Variants in USH2A observed in about 807,000 individuals in gnomAD.
USH2A encodes the protein Usher syndrome 2A (autosomal recessive, mild).
USH2A carries 443 observed loss-of-function variants against 538.9 expected under a neutral mutation model. That is an observed-to-expected ratio of 0.82 (90% CI 0.76 to 0.89). The LOEUF (loss-of-function observed/expected upper bound fraction) is 0.89. Ranked by LOEUF, USH2A falls within the 40% of genes least tolerant of loss-of-function variation. The pLI, the probability that USH2A is intolerant of heterozygous loss-of-function variation, is 0.00. For missense variants in USH2A, 6,633 were observed against 6,324.8 expected (o/e 1.05, Z -1.65); for synonymous variants, 2,413 against 2,273.5 (o/e 1.06, Z -1.75).
chr1:215,754,551 C>G (rs908134571), intron 58 of USH2A, among the ~76,000 whole-genome samples: 2 of 152,020 alleles, frequency 1.3e-5, no homozygotes, highest in African/African-American at 2.4e-5. Context: ...TACAATTTAG[C>G]CAGTATTTTG....
intron 4 of USH2A, 64 bp downstream of exon 4, chr1:216,364,889 T>C: frequency 1.3e-6 from 2 of 1,594,280 alleles, no homozygotes; most frequent in Non-Finnish European, 1.7e-6. Flanking sequence ...ATTATTTGTT[T>C]GATGCATTTT....
intron 2 of USH2A, among the ~76,000 whole-genome samples, chr1:216,420,957 C>G (rs1358446046): frequency 1.3e-5 from 2 of 152,064 alleles, no homozygotes; most frequent in Non-Finnish European, 2.9e-5. Flanking sequence ...TTTAGATATC[C>G]AGCCAACGCT....
intron 60 of USH2A, among the ~76,000 whole-genome samples, chr1:215,735,390 C>T (rs1242251926): frequency 6.6e-6 from 1 of 152,014 alleles, no homozygotes; most frequent in Non-Finnish European, 1.5e-5. Context: ...TATTAAATTC[C>T]TTCTGTTAAA....
chr1:216,286,158 C>A (rs993852976), intron 11 of USH2A, among the ~76,000 whole-genome samples: 2 of 152,050 alleles, frequency 1.3e-5, no homozygotes, highest in Admixed American at 6.6e-5. Context: ...GTGTCCCAAC[C>A]CAAATCTCAT....
rs1558027312 is a variant in USH2A at position 215,627,421 on chromosome 1, C to CTTCT, written c.15519+1392_15519+1393insAGAA. ...CCTTCCTTCCTTCCTTCCTTCCTTC[C>CTTCT]TTCCTTCCTTCCTTCCTTCCTTCCT... On this transcript the variant is annotated intron_variant, in intron 71 of 71. Coordinates refer to ENST00000307340, the MANE Select transcript of USH2A (RefSeq NM_206933.4). 8.7e-3 allele frequency among the ~76,000 whole-genome samples: 1,016 copies of CTTCT among 116,530 alleles called. 43 individuals are homozygous for CTTCT. The highest frequency in any genetic ancestry group is 0.03 in the African/African-American group (852 of 28,264). The allele number at this position is 116,530 out of a possible 152,430, so 76.4% of individuals were successfully genotyped here.
intron 49 of USH2A, among the ~76,000 whole-genome samples, chr1:215,802,063 T>C (rs968562353): frequency 3.3e-5 from 5 of 151,278 alleles, no homozygotes; most frequent in African/African-American, 1.2e-4. Flanking sequence ...AAGTTGAATA[T>C]CCACATGCCA....
At chr1:215,761,610 T>C (rs549284667) in intron 56 of USH2A, among the ~76,000 whole-genome samples, 65 of 152,338 alleles carry the variant, frequency 4.3e-4, no homozygotes, top group African/African-American at 1.3e-3. Flanking sequence ...CAAAATGTTA[T>C]GCTAAGCACT....
intron 49 of USH2A, among the ~76,000 whole-genome samples, chr1:215,801,025 A>G (rs75168162): frequency 0.011 from 1,598 of 151,970 alleles, 22 homozygotes; most frequent in African/African-American, 0.036. Context: ...AACAAAGGGG[A>G]AAAAAAAGAA....
intron 12 of USH2A, among the ~76,000 whole-genome samples, chr1:216,249,711 CTT>C (rs1290496600): frequency 6.6e-6 from 1 of 152,094 alleles, no homozygotes; most frequent in East Asian, 1.9e-4. Context: ...CCTACATTCT[CTT>C]TATTAAATTG....
chr1:216,150,303 G>A (rs960767506), intron 21 of USH2A, among the ~76,000 whole-genome samples: 3 of 151,914 alleles, frequency 2.0e-5, no homozygotes, highest in African/African-American at 4.8e-5. Flanking sequence ...GATGATCTTT[G>A]CTGGCAAGGC....
chr1:215,694,219 G>A (rs551909126), intron 61 of USH2A, among the ~76,000 whole-genome samples: 3 of 152,026 alleles, frequency 2.0e-5, no homozygotes, highest in African/African-American at 4.8e-5. Flanking sequence ...TTACAAATTC[G>A]CAACTCATAC....
intron 11 of USH2A, among the ~76,000 whole-genome samples, chr1:216,276,301 G>T (rs927016342): frequency 6.6e-6 from 1 of 152,022 alleles, no homozygotes; most frequent in Non-Finnish European, 1.5e-5. Context: ...TTCTGTCCTC[G>T]CACATTTTTA....
chr1:216,373,473 T>C (rs959899587), intron 3 of USH2A, among the ~76,000 whole-genome samples: 8 of 152,186 alleles, frequency 5.3e-5, no homozygotes, highest in African/African-American at 1.7e-4. Flanking sequence ...TTTTTATTAC[T>C]TTAAAAAATA....
At chr1:216,347,950 G>A (rs1054129379) in intron 4 of USH2A, among the ~76,000 whole-genome samples, 1 of 152,120 alleles carries the variant, frequency 6.6e-6, no homozygotes, top group Non-Finnish European at 1.5e-5. Context: ...ATATCAAGCT[G>A]AACAAGAGTT....
intron 10 of USH2A, among the ~76,000 whole-genome samples, chr1:216,289,692 G>T (rs2036963950): frequency 6.6e-6 from 1 of 152,070 alleles, no homozygotes; most frequent in African/African-American, 2.4e-5. Flanking sequence ...GAAAGAGTTT[G>T]CTCCTAAACT....
intron 47 of USH2A, among the ~76,000 whole-genome samples, chr1:215,827,986 G>T (rs1663203423): frequency 6.6e-6 from 1 of 151,954 alleles, no homozygotes; most frequent in Admixed American, 6.6e-5. Flanking sequence ...AGAAAAGTTA[G>T]GCAGAAAAAA....
chr1:216,421,678 T>C (rs2039678073), intron 2 of USH2A, among the ~76,000 whole-genome samples, 174 bp downstream of exon 2: 1 of 152,148 alleles, frequency 6.6e-6, no homozygotes, highest in African/African-American at 2.4e-5. Context: ...TCATGGTCCA[T>C]TTCATCCATA....
At chr1:215,655,134 A>C (rs1013944424) in intron 64 of USH2A, among the ~76,000 whole-genome samples, 1 of 152,216 alleles carries the variant, frequency 6.6e-6, no homozygotes, top group Non-Finnish European at 1.5e-5. Context: ...CTGCCCTTTC[A>C]ACATATTTCC....
intron 44 of USH2A, among the ~76,000 whole-genome samples, chr1:215,860,293 G>T (rs1664282038): frequency 6.6e-6 from 1 of 152,124 alleles, no homozygotes; most frequent in African/African-American, 2.4e-5. Context: ...ATGTCTTCTA[G>T]ATTTTTAACA....
Sources: allele counts gnomAD v4.1 joint callset (sites outside exome capture counted in the v4.1 genomes callset), GRCh38; gene constraint gnomAD v4.1.1; transcripts MANE v1.5; gene names NCBI Gene and HGNC (gene_info 2026-07-23, HGNC 2026-07-21).